ADAMTS12: variants seen among roughly 807,000 people sequenced by gnomAD.
The protein encoded by ADAMTS12 is ADAM metallopeptidase with thrombospondin type 1 motif 12.
In ADAMTS12, 118 loss-of-function variants were observed where a neutral mutation model predicts 167.8. The observed-to-expected ratio is 0.70, with a 90% CI of 0.61 to 0.82. The LOEUF (loss-of-function observed/expected upper bound fraction) is 0.82, where lower values mean the gene tolerates loss of function less well. Ranked by LOEUF, ADAMTS12 falls within the 40% of genes least tolerant of loss-of-function variation. ADAMTS12 has a pLI of 0.00. For missense variants in ADAMTS12, 1,916 were observed against 1,998.8 expected (o/e 0.96, Z 0.79); for synonymous variants, 704 against 716.9 (o/e 0.98, Z 0.29).
intron 19 of ADAMTS12, among the ~76,000 whole-genome samples, chr5:33,562,648 T>G (rs911134147): frequency 2.6e-4 from 39 of 152,140 alleles, no homozygotes; most frequent in African/African-American, 8.4e-4. Context: ...TTTTTTTTTT[T>G]TGGGATGGAG....
intron 3 of ADAMTS12, among the ~76,000 whole-genome samples, chr5:33,735,017 C>T (rs1744321600): frequency 6.6e-6 from 1 of 152,130 alleles, no homozygotes; most frequent in African/African-American, 2.4e-5. Context: ...TAACCTAAGC[C>T]TAATAAAATG....
chr5:33,649,708 A>G lies in ADAMTS12; in HGVS notation c.1191-11T>C, dbSNP rs370877370. 3.7e-6 allele frequency: 6 copies of G among 1,612,994 alleles called. No individual in the cohort carries two copies. Among genetic ancestry groups the G allele is most frequent in the African/African-American group, 2.7e-5 (2 of 74,906 alleles). On this transcript the variant is annotated splice_polypyrimidine_tract_variant and intron_variant, in intron 7 of 23. Transcript: ENST00000504830. ...TGCTGGATGCCGAAGCTGGCAGGGA[A>G]GAACCAAGCACAAGAAGAGCCAGCA...
At position 33,649,574 on chromosome 5, in the gene ADAMTS12, C is replaced by T. The variant is rs199722230; in HGVS notation, c.1314G>A (p.Glu438=). 4.0e-5 allele frequency: 64 copies of T among 1,613,760 alleles called. No individual in the cohort carries two copies. The highest frequency in any genetic ancestry group is 5.3e-5 in the Non-Finnish European group (63 of 1,179,838). ...TPLTWSKCSE[E]YITRFLDRGW... is the part of the protein sequence containing the mutation. ...CTTACTCCAAGAAGCGGGTGATGTA[C>T]TCCTCGCTGCACTTGGACCATGTCA... The change falls in exon 8 of 24, where the codon GAG becomes GAA. Residue 438 remains glutamate (E), a synonymous_variant. Transcript: ENST00000504830.
chr5:33,595,924 C>T lies in ADAMTS12; in HGVS notation c.2654+10G>A, dbSNP rs780475660. On this transcript the variant is annotated intron_variant, in intron 17 of 23. Transcript: ENST00000504830. The stretch of plus-strand genomic sequence containing the variant: ...AGACACACAGAGCTCCAGCTGTTAG[C>T]GATGGTTACCTGGGTGGACAAGCCT... 9.3e-6 allele frequency: 15 copies of T among 1,613,676 alleles called. No individual in the cohort carries two copies. Among genetic ancestry groups the T allele is most frequent in the African/African-American group, 5.3e-5 (4 of 74,914 alleles).
intron 3 of ADAMTS12, 41 bp from the exon 4 acceptor site, chr5:33,684,096 G>T: frequency 7.5e-7 from 1 of 1,339,468 alleles, no homozygotes. Flanking sequence ...CACTGTATAT[G>T]TCTCATATAT....
rs140027220 is a variant in ADAMTS12 at position 33,622,751 on chromosome 5, A to C, written c.2143+1480T>G. 2.2e-3 allele frequency among the ~76,000 whole-genome samples: 335 copies of C among 152,368 alleles called. 3 individuals are homozygous for C. Among genetic ancestry groups the C allele is most frequent in the African/African-American group, 7.6e-3 (314 of 41,580 alleles). ...TAAGTAAGTAAAGCCACTATAAATAATGAAAAATATTTACAAAACACCTTT... is the reference window on the plus strand; with the variant it reads ...TAAGTAAGTAAAGCCACTATAAATACTGAAAAATATTTACAAAACACCTTT... On this transcript the variant is annotated intron_variant, in intron 14 of 23. Transcript: ENST00000504830.
At chr5:33,650,371 T>A (rs1334260204) in intron 7 of ADAMTS12, among the ~76,000 whole-genome samples, 1 of 152,206 alleles carries the variant, frequency 6.6e-6, no homozygotes, top group Non-Finnish European at 1.5e-5. Flanking sequence ...TAGAATAAAG[T>A]TTGAAAACAA....
Position 33,567,591 on chromosome 5 carries a change from C to T in ADAMTS12, c.3973-6412G>A, listed in dbSNP as rs549857153. ...TGCTGAAGCACAAGTAGCTGGACTG[C>T]CTTTGGGGGAATCCGAACACTATCA... On this transcript the variant is annotated intron_variant, in intron 19 of 23. Coordinates refer to ENST00000504830, the MANE Select transcript of ADAMTS12 (RefSeq NM_030955.4). Among the ~76,000 whole-genome samples, 4 of 152,314 alleles carry T rather than the reference C, an allele frequency of 2.6e-5. No homozygotes were observed. In the South Asian group the frequency reaches 8.3e-4, roughly 32 times the overall value.
chr5:33,632,789 G>T (rs1039938993), intron 12 of ADAMTS12, among the ~76,000 whole-genome samples: 1 of 152,118 alleles, frequency 6.6e-6, no homozygotes, highest in Admixed American at 6.6e-5. Flanking sequence ...TTTGTATTTG[G>T]AATACATAAA....
At chr5:33,588,919 A>G in intron 17 of ADAMTS12, 110 bp from the exon 18 acceptor site, 6 of 1,306,754 alleles carry the variant, frequency 4.6e-6, no homozygotes, top group Non-Finnish European at 6.4e-6. Flanking sequence ...TGGAAGGGCC[A>G]TGGAGACACT....
At chr5:33,861,703 A>G (rs1361179626) in intron 2 of ADAMTS12, among the ~76,000 whole-genome samples, 7 of 152,178 alleles carry the variant, frequency 4.6e-5, no homozygotes, top group Admixed American at 4.6e-4. Context: ...AGAACTCTCC[A>G]CCCCAAATCA....
rs575031284 is a variant in ADAMTS12, at chr5:33,525,067, A to G, written c.*2121T>C. 1 of 152,330 alleles carries G rather than the reference A, an allele frequency of 6.6e-6. No homozygotes were observed. The highest frequency in any genetic ancestry group is 1.5e-5 in the Non-Finnish European group (1 of 68,048). The allele number at this position is 152,330 out of a possible 1,614,324, so 9.4% of individuals were successfully genotyped here. On this transcript the variant is annotated 3_prime_UTR_variant, in exon 24 of 24. Transcript: ENST00000504830. ...GACACGTATTTGACCCTATGCTAGT[A>G]CAGTACCAGGTTAAATCAATCTAGC...
chr5:33,601,106 A>T (rs200763859), intron 16 of ADAMTS12, among the ~76,000 whole-genome samples: 22 of 145,818 alleles, frequency 1.5e-4, no homozygotes, highest in African/African-American at 4.8e-4. Flanking sequence ...CACATTTAAG[A>T]GTGTGTGTGT....
At chr5:33,796,634 A>G (rs1171862174) in intron 2 of ADAMTS12, among the ~76,000 whole-genome samples, 2 of 152,124 alleles carry the variant, frequency 1.3e-5, no homozygotes, top group South Asian at 2.1e-4. Flanking sequence ...TAAATGACAC[A>G]TGTCACTTCC....
intron 2 of ADAMTS12, among the ~76,000 whole-genome samples, chr5:33,837,692 G>C (rs1439566459): frequency 6.6e-6 from 1 of 152,210 alleles, no homozygotes; most frequent in Non-Finnish European, 1.5e-5. Context: ...GAAAGCTTAA[G>C]ACGATATGTG....
intron 2 of ADAMTS12, among the ~76,000 whole-genome samples, chr5:33,831,126 A>T (rs1238115580): frequency 6.6e-6 from 1 of 152,210 alleles, no homozygotes; most frequent in Non-Finnish European, 1.5e-5. Context: ...TTGAAATAAC[A>T]ATAGGCAAAA....
At chr5:33,636,803 G>A (rs746145789) in intron 12 of ADAMTS12, among the ~76,000 whole-genome samples, 1 of 152,118 alleles carries the variant, frequency 6.6e-6, no homozygotes, top group East Asian at 1.9e-4. Flanking sequence ...ACACAAATAT[G>A]TTTTTTGATG....
At chr5:33,544,685 C>T (rs1313929436) in intron 22 of ADAMTS12, among the ~76,000 whole-genome samples, 2 of 152,130 alleles carry the variant, frequency 1.3e-5, no homozygotes, top group Non-Finnish European at 2.9e-5. Context: ...AAGAACAGAA[C>T]AGAGGCCTCA....
At chr5:33,775,390 T>G (rs1745880910) in intron 2 of ADAMTS12, among the ~76,000 whole-genome samples, 2 of 152,150 alleles carry the variant, frequency 1.3e-5, no homozygotes, top group Non-Finnish European at 2.9e-5. Flanking sequence ...GTTCTTGAAC[T>G]TCACTATTTT....
Sources: allele counts gnomAD v4.1 joint callset (sites outside exome capture counted in the v4.1 genomes callset), GRCh38; gene constraint gnomAD v4.1.1; transcripts MANE v1.5; gene names NCBI Gene and HGNC (gene_info 2026-07-23, HGNC 2026-07-21).